NF1: variants seen among roughly 807,000 people sequenced by gnomAD.
NF1 encodes the protein neurofibromin.
A neutral mutation model predicts 325.7 loss-of-function variants in NF1; 122 were observed. That is an observed-to-expected ratio of 0.37 (90% CI 0.32 to 0.44). NF1 has a LOEUF of 0.44. Among genes scored for constraint, NF1 ranks in the 20% least tolerant of loss-of-function variants. The pLI, the probability that NF1 is intolerant of heterozygous loss-of-function variation, is 1.00. For missense variants in NF1, 2,140 were observed against 3,415.4 expected, an observed-to-expected ratio of 0.63 and a Z score of 9.31; for synonymous variants, 1,091 against 1,186.0, an observed-to-expected ratio of 0.92 and a Z score of 1.65.
At chr17:31,340,735 A>G (rs1208115502) in intron 47 of NF1, 90 bp downstream of exon 47, 1 of 1,346,924 alleles carries the variant, frequency 7.4e-7, no homozygotes, top group Non-Finnish European at 1.0e-6. Flanking sequence ...AATCACAAGA[A>G]GTCCATAACT....
intron 57 of NF1, among the ~76,000 whole-genome samples, chr17:31,366,653 C>G (rs2070527987): frequency 6.6e-6 from 1 of 152,134 alleles, no homozygotes; most frequent in African/African-American, 2.4e-5. Flanking sequence ...ACTAGGGAGG[C>G]TGAGGTGGGA....
intron 1 of NF1, among the ~76,000 whole-genome samples, chr17:31,101,718 T>A (rs1471385174): frequency 2.0e-5 from 3 of 152,190 alleles, no homozygotes; most frequent in African/African-American, 7.2e-5. Flanking sequence ...GATTTCATTT[T>A]TTTTTTTTCC....
chr17:31,329,020 A>G (rs1476467739), intron 38 of NF1, among the ~76,000 whole-genome samples: 1 of 152,126 alleles, frequency 6.6e-6, no homozygotes, highest in Non-Finnish European at 1.5e-5. Context: ...TAAAAGATAC[A>G]AGCTGAGCAC....
intron 14 of NF1, among the ~76,000 whole-genome samples, chr17:31,219,964 C>T (rs921582036): frequency 1.1e-4 from 16 of 151,906 alleles, no homozygotes; most frequent in Non-Finnish European, 2.2e-4. Flanking sequence ...AGTTGGTGGA[C>T]GTTTGGTGTT....
intron 57 of NF1, among the ~76,000 whole-genome samples, chr17:31,369,021 T>C (rs975336592): frequency 1.3e-5 from 2 of 152,226 alleles, no homozygotes; most frequent in African/African-American, 4.8e-5. Context: ...ATTTTTGTAG[T>C]ATAACTTCTC....
chr17:31,181,402 A>T lies in NF1; in HGVS notation c.587-20A>T, dbSNP rs776533188. 18 of 1,609,596 alleles carry T rather than the reference A, an allele frequency of 1.1e-5. No individual in the cohort carries two copies. Among genetic ancestry groups the T allele is most frequent in the East Asian group, 2.2e-5 (1 of 44,726 alleles). On this transcript the variant is annotated intron_variant, in intron 5 of 57. Transcript: ENST00000358273. Reference sequence around the variant, plus strand: ...TTAACTTATTCTAGAGTTAATTTTTAAAAATTGTGTTTTTTCCAGAAACAG... The same window carrying T: ...TTAACTTATTCTAGAGTTAATTTTTTAAAATTGTGTTTTTTCCAGAAACAG...
chr17:31,130,517 C>T (rs1915281664), intron 1 of NF1, among the ~76,000 whole-genome samples: 2 of 141,490 alleles, frequency 1.4e-5, no homozygotes, highest in Admixed American at 7.2e-5. Context: ...GGGCAGGGTG[C>T]TGGTGGGTGC....
At chr17:31,262,185 C>G (rs1380065638) in intron 35 of NF1, among the ~76,000 whole-genome samples, 2 of 152,154 alleles carry the variant, frequency 1.3e-5, no homozygotes, top group African/African-American at 4.8e-5. Context: ...GAATAATTGA[C>G]TTGCCTAAGA....
intron 36 of NF1, among the ~76,000 whole-genome samples, chr17:31,280,199 G>GT (rs1224888030): frequency 2.0e-5 from 3 of 150,338 alleles, no homozygotes; most frequent in East Asian, 3.9e-4. Context: ...CCCATATAAA[G>GT]TTTTTTTTTA....
At chr17:31,146,746 A>G (rs1439076421) in intron 1 of NF1, among the ~76,000 whole-genome samples, 5 of 152,246 alleles carry the variant, frequency 3.3e-5, no homozygotes, top group Admixed American at 1.3e-4. Flanking sequence ...TGGAGCGAGA[A>G]TGGGAGCCTG....
intron 40 of NF1, 111 bp downstream of exon 40, chr17:31,335,142 C>T (rs1156395135): frequency 1.5e-5 from 13 of 879,842 alleles, no homozygotes; most frequent in Non-Finnish European, 2.1e-5. Flanking sequence ...TTGTAAAAAA[C>T]ACAGTTTCCT....
chr17:31,240,768 A>C (rs1331115554), intron 29 of NF1, among the ~76,000 whole-genome samples: 1 of 152,192 alleles, frequency 6.6e-6, no homozygotes, highest in African/African-American at 2.4e-5. Context: ...TTTGGATAAA[A>C]GCAACTTTAG....
chr17:31,371,684 G>A (rs2070641634), intron 57 of NF1, among the ~76,000 whole-genome samples: 1 of 152,032 alleles, frequency 6.6e-6, no homozygotes, highest in African/African-American at 2.4e-5. Flanking sequence ...ATTTAATAAG[G>A]GTTTTAAAAA....
intron 1 of NF1, 130 bp downstream of exon 1, chr17:31,095,499 A>T: frequency 1.8e-6 from 1 of 546,784 alleles, no homozygotes; most frequent in Non-Finnish European, 2.8e-6. Flanking sequence ...GGAAGGGAAG[A>T]GAAGGGAAGG....
At chr17:31,198,025 T>A (rs2066465316) in intron 8 of NF1, among the ~76,000 whole-genome samples, 1 of 152,220 alleles carries the variant, frequency 6.6e-6, no homozygotes. Context: ...TTGAACTTTG[T>A]CAAGTGGTTT....
chr17:31,254,424 AT>A (rs2067547867), intron 31 of NF1: 1 of 152,150 alleles, frequency 6.6e-6, no homozygotes, highest in African/African-American at 2.4e-5. Context: ...TCCATTGAAG[AT>A]TTTATTTTTG....
At chr17:31,371,718 A>G (rs2070642783) in intron 57 of NF1, among the ~76,000 whole-genome samples, 1 of 152,256 alleles carries the variant, frequency 6.6e-6, no homozygotes, top group Admixed American at 6.5e-5. Flanking sequence ...ACAGATTTTC[A>G]GTGGTGGTTC....
intron 24 of NF1, among the ~76,000 whole-genome samples, chr17:31,231,141 A>G (rs2067107086): frequency 6.6e-6 from 1 of 152,072 alleles, no homozygotes; most frequent in Non-Finnish European, 1.5e-5. Context: ...TATGTTTGGG[A>G]AGTTAGTGTT....
At chr17:31,155,928 A>G (rs2065652145) in intron 1 of NF1, 55 bp from the exon 2 acceptor site, 3 of 1,575,094 alleles carry the variant, frequency 1.9e-6, no homozygotes, top group South Asian at 1.2e-5. Flanking sequence ...TAAGTTATTT[A>G]TGGTCGTTTT....
Sources: gnomAD v4.1 joint callset for allele counts (sites outside exome capture counted in the v4.1 genomes callset) on GRCh38, gnomAD v4.1.1 for gene constraint, MANE v1.5 for transcripts, NCBI Gene and HGNC (gene_info 2026-07-23, HGNC 2026-07-21) for gene names.